The following UTRN variants were observed in gnomAD, a reference collection of about 807,000 sequenced individuals.
UTRN encodes dystrophin-related protein 1.
In UTRN, 283 loss-of-function variants were observed where a neutral mutation model predicts 463.9. The observed-to-expected ratio is 0.61, with a 90% CI of 0.55 to 0.67. The LOEUF (loss-of-function observed/expected upper bound fraction) is 0.67, where lower values mean the gene tolerates loss of function less well. Ranked by LOEUF, UTRN falls within the 30% of genes least tolerant of loss-of-function variation. UTRN has a pLI of 0.00. For missense variants in UTRN, 3,922 were observed against 4,084.3 expected, an observed-to-expected ratio of 0.96 and a Z score of 1.08; for synonymous variants, 1,442 against 1,431.5, an observed-to-expected ratio of 1.01 and a Z score of -0.17.
At chr6:144,392,833 A>G (rs1350219013) in intron 2 of UTRN, among the ~76,000 whole-genome samples, 1 of 152,182 alleles carries the variant, frequency 6.6e-6, no homozygotes, top group East Asian at 1.9e-4. Context: ...TTGACTTTAT[A>G]AAAGAAAGTC....
At chr6:144,453,279 C>T (rs1050056469) in intron 18 of UTRN, among the ~76,000 whole-genome samples, 21 of 152,012 alleles carry the variant, frequency 1.4e-4, no homozygotes, top group African/African-American at 2.9e-4. Flanking sequence ...CACGCCACCA[C>T]GCTTGGCTAA....
intron 27 of UTRN, 96 bp downstream of exon 27, chr6:144,482,484 T>C: frequency 1.1e-6 from 1 of 903,950 alleles, no homozygotes; most frequent in Non-Finnish European, 1.4e-6. Flanking sequence ...TGTAATGTTT[T>C]GGCCATTTTC....
chr6:144,410,851 C>T (rs950912287), intron 3 of UTRN, among the ~76,000 whole-genome samples: 1 of 151,816 alleles, frequency 6.6e-6, no homozygotes, highest in Non-Finnish European at 1.5e-5. Flanking sequence ...TTTATTCACT[C>T]ATTGATCGAT....
At chr6:144,800,907 C>T (rs568637915) in intron 64 of UTRN, among the ~76,000 whole-genome samples, 80 of 152,128 alleles carry the variant, frequency 5.3e-4, no homozygotes, top group African/African-American at 1.6e-3. Context: ...GAAATAAAGA[C>T]GCATAGTGTG....
In UTRN at chr6:144,444,372, T is replaced by A; in HGVS notation, c.1604T>A (p.Leu535Ter). The change falls in exon 14 of 75, where the codon TTG (leucine) becomes TAG (stop). Residue 535 changes from leucine (L) to a stop codon, truncating the protein, a stop_gained. Transcript: ENST00000367545. LOFTEE classifies it high-confidence loss of function. ...QEINILWQEL[L>*]EEQCLLKAWL... Reference sequence around the variant, plus strand: ...ATCAATATATTGTGGCAGGAATTATTGGAAGAACAGGTATGAAACTGTTTT... The same window carrying A: ...ATCAATATATTGTGGCAGGAATTATAGGAAGAACAGGTATGAAACTGTTTT... The A allele has an allele frequency of 1.2e-6, 2 of 1,608,500 alleles. No individual in the cohort carries two copies. The highest frequency in any genetic ancestry group is 2.2e-5 in the South Asian group (2 of 90,476).
At chr6:144,459,827 T>A (rs1007158691) in intron 21 of UTRN, among the ~76,000 whole-genome samples, 4 of 152,012 alleles carry the variant, frequency 2.6e-5, no homozygotes, top group Non-Finnish European at 5.9e-5. Flanking sequence ...TGGGCTCAAG[T>A]GATCTTCCCA....
intron 70 of UTRN, 129 bp from the exon 71 acceptor site, chr6:144,836,172 C>T: frequency 7.0e-7 from 1 of 1,422,526 alleles, no homozygotes; most frequent in Non-Finnish European, 9.3e-7. Flanking sequence ...CCTGCATGCT[C>T]ATCCTGCTAT....
chr6:144,691,767 T>C (rs911662643), intron 52 of UTRN, among the ~76,000 whole-genome samples: 1 of 152,238 alleles, frequency 6.6e-6, no homozygotes, highest in African/African-American at 2.4e-5. Flanking sequence ...TTGATCCTGC[T>C]ATAATTTGAT....
At chr6:144,797,654 A>T in intron 63 of UTRN, 170 bp from the exon 64 acceptor site, 1 of 613,000 alleles carries the variant, frequency 1.6e-6, no homozygotes, top group Non-Finnish European at 2.5e-6. Context: ...CATAAGTTCT[A>T]GAATTTTCTT....
At chr6:144,766,400 T>C (rs1793351679) in intron 58 of UTRN, among the ~76,000 whole-genome samples, 1 of 152,208 alleles carries the variant, frequency 6.6e-6, no homozygotes, top group Non-Finnish European at 1.5e-5. Context: ...TTGATTGCTA[T>C]ATATATGTAA....
In UTRN at chr6:144,522,104, C is replaced by T. The variant is rs144099534; in HGVS notation, c.5666C>T (p.Ser1889Leu). 316 of 1,584,842 alleles carry T rather than the reference C, an allele frequency of 2.0e-4. No individual in the cohort carries two copies. Among genetic ancestry groups the T allele is most frequent in the Middle Eastern group, 3.3e-4 (2 of 6,010 alleles). ...CTTTGCATGGATGATGTTGAATTAT[C>T]GCTTAATGTTCCAGAGCTCAACACT... ...ILLCMDDVEL[S>L]LNVPELNTAI... The change falls in exon 40 of 75, where the codon TCG (serine) becomes TTG (leucine). Residue 1889 changes from serine to leucine, a missense_variant. Coordinates refer to ENST00000367545, the MANE Select transcript of UTRN (RefSeq NM_007124.3).
rs150895938 is a variant in UTRN, at chr6:144,834,474, T to A, written c.9666-1306T>A. On this transcript the variant is annotated intron_variant, in intron 69 of 74. Transcript: ENST00000367545. Reference sequence around the variant, plus strand: ...TCAATTGCTTCATCTAGCTCTCTGATCTCAATGCTTAGGATAAACCTTTTC... The same window carrying A: ...TCAATTGCTTCATCTAGCTCTCTGAACTCAATGCTTAGGATAAACCTTTTC... Among the ~76,000 whole-genome samples the A allele has an allele frequency of 5.5e-3, 840 of 152,340 alleles. 2 individuals carry two copies. The highest frequency in any genetic ancestry group is 0.017 in the Middle Eastern group (5 of 294).
chr6:144,847,414 TG>T (rs761647778), intron 74 of UTRN, among the ~76,000 whole-genome samples: 129 of 152,308 alleles, frequency 8.5e-4, no homozygotes, highest in Non-Finnish European at 1.4e-3. Context: ...TGTTTTGTTT[TG>T]TTTTTTGTTT....
chr6:144,286,332 G>C lies in UTRN; in HGVS notation c.-93+511G>C, dbSNP rs1332898869. On this transcript the variant is annotated intron_variant, in intron 1 of 74. Transcript: ENST00000367545. The surrounding 1 kb of genome is among the most constrained non-coding windows in gnomAD (Gnocchi z 4.4). ...GTGGGCAGAGGGTGGCTGTGTGGTCGGCGGCCAGCGGAGCGCTTCCCAGCC... is the reference window on the plus strand; with the variant it reads ...GTGGGCAGAGGGTGGCTGTGTGGTCCGCGGCCAGCGGAGCGCTTCCCAGCC... 1.3e-5 allele frequency among the ~76,000 whole-genome samples: 2 copies of C among 152,096 alleles called. No individual in the cohort carries two copies. The highest frequency in any genetic ancestry group is 4.8e-5 in the African/African-American group (2 of 41,436).
In UTRN at chr6:144,510,945, A is replaced by C. The variant is rs561618938; in HGVS notation, c.4766A>C (p.Asn1589Thr). The C allele has an allele frequency of 6.4e-7, 1 of 1,562,144 alleles. No individual in the cohort carries two copies. The highest frequency in any genetic ancestry group is 1.2e-5 in the South Asian group (1 of 84,858). Residue 1589 changes from asparagine (N) to threonine (T), a missense_variant and splice_region_variant, in exon 35 of 75, where the codon AAT becomes ACT. Asn to Thr is a moderately conservative substitution (Grantham distance 65, BLOSUM62 0). Coordinates refer to ENST00000367545, the MANE Select transcript of UTRN (RefSeq NM_007124.3). ...DLDTEISWAK[N>T]VLKDLEKRKA... is the part of the protein sequence containing the mutation. ...GGTCTTGGTGTTTTTATTTTCTAGA[A>C]TGTTCTGAAGGATCTGGAAAAGAGA...
chr6:144,828,582 G>C (rs2297847), intron 68 of UTRN, among the ~76,000 whole-genome samples: 1 of 152,026 alleles, frequency 6.6e-6, no homozygotes, highest in South Asian at 2.1e-4. Flanking sequence ...ACAACATGGC[G>C]TAAGATAAAG....
intron 28 of UTRN, among the ~76,000 whole-genome samples, chr6:144,487,091 G>C (rs2128577019): frequency 6.6e-6 from 1 of 152,232 alleles, no homozygotes; most frequent in South Asian, 2.1e-4. Flanking sequence ...TGCTTGTATA[G>C]TACTGTTCTC....
intron 53 of UTRN, among the ~76,000 whole-genome samples, chr6:144,722,851 C>T (rs1787354379): frequency 6.6e-6 from 1 of 152,130 alleles, no homozygotes. Context: ...TTGTCCCGCC[C>T]TCCCCATCCA....
At chr6:144,525,587 C>A (rs1796499722) in intron 41 of UTRN, among the ~76,000 whole-genome samples, 1 of 152,028 alleles carries the variant, frequency 6.6e-6, no homozygotes, top group Non-Finnish European at 1.5e-5. Flanking sequence ...TGGTTAATCT[C>A]ACCAATAGTC....
Sources: gnomAD v4.1 joint callset for allele counts (sites outside exome capture counted in the v4.1 genomes callset) on GRCh38, gnomAD v4.1.1 for gene constraint, Gnocchi (gnomAD v3.1) non-coding constraint, MANE v1.5 for transcripts, NCBI Gene and HGNC (gene_info 2026-07-23, HGNC 2026-07-21) for gene names.